The following LSAMP variants were observed in gnomAD, a reference collection of about 807,000 sequenced individuals.
The protein encoded by LSAMP is limbic system-associated membrane protein.
A neutral mutation model predicts 38.6 loss-of-function variants in LSAMP; 7 were observed. The ratio of observed to expected loss-of-function variants is 0.18; its 90% CI spans 0.10 to 0.34. The LOEUF (loss-of-function observed/expected upper bound fraction) is 0.34, where lower values mean the gene tolerates loss of function less well. Among genes scored for constraint, LSAMP ranks in the 10% least tolerant of loss-of-function variants. The pLI, the probability that LSAMP is intolerant of heterozygous loss-of-function variation, is 1.00. For synonymous variants in LSAMP, 154 were observed against 166.8 expected (o/e 0.92, Z 0.59); for missense variants, 313 against 420.0 (o/e 0.75, Z 2.23).
chr3:116,375,685 T>C (rs902411920), intron 1 of LSAMP, among the ~76,000 whole-genome samples: 1 of 151,950 alleles, frequency 6.6e-6, no homozygotes, highest in Non-Finnish European at 1.5e-5. Context: ...CTATAAGATA[T>C]TGTATTAACA....
At chr3:116,066,509 C>T (rs1451747615) in intron 2 of LSAMP, among the ~76,000 whole-genome samples, 1 of 152,152 alleles carries the variant, frequency 6.6e-6, no homozygotes, top group Non-Finnish European at 1.5e-5. Flanking sequence ...TTATTGTCTT[C>T]ATTTGTTGAA....
chr3:116,027,318 T>G (rs1484086170), intron 2 of LSAMP, among the ~76,000 whole-genome samples: 1 of 152,196 alleles, frequency 6.6e-6, no homozygotes, highest in East Asian at 1.9e-4. Flanking sequence ...AGTAACCACC[T>G]AAAAGGACTA....
At chr3:115,886,584 C>T (rs906089869) in intron 3 of LSAMP, among the ~76,000 whole-genome samples, 1 of 151,894 alleles carries the variant, frequency 6.6e-6, no homozygotes, top group African/African-American at 2.4e-5. Context: ...TATTTTATTC[C>T]TAGGTTTTCC....
At chr3:116,419,836 T>C (rs2049098685) in intron 1 of LSAMP, among the ~76,000 whole-genome samples, 1 of 152,164 alleles carries the variant, frequency 6.6e-6, no homozygotes, top group Admixed American at 6.5e-5. Context: ...TTTAAAAAAA[T>C]AGAGGAAAGT....
intron 2 of LSAMP, among the ~76,000 whole-genome samples, chr3:116,073,570 G>A (rs1039644203): frequency 6.6e-6 from 1 of 152,066 alleles, no homozygotes; most frequent in African/African-American, 2.4e-5. Context: ...CCATTTGTTT[G>A]TGTCCTCTCT....
intron 1 of LSAMP, among the ~76,000 whole-genome samples, chr3:116,147,837 T>C (rs1326744063): frequency 1.3e-5 from 2 of 151,950 alleles, no homozygotes; most frequent in Non-Finnish European, 2.9e-5. Flanking sequence ...GCTTCATCTT[T>C]TGCAATCTTG....
chr3:116,279,494 T>TTCTA lies in LSAMP; in HGVS notation c.155+165379_155+165382dup, dbSNP rs1048202928. 2.6e-5 allele frequency among the ~76,000 whole-genome samples: 4 copies of TTCTA among 152,202 alleles called. No homozygotes were observed. The South Asian group carries it at 6.2e-4, about 24-fold the overall frequency. ...CAGGTGTAGAAGAGTAGGGAGCCTA[T>TTCTA]TCTATCTACTCTCATGTGAAAGATT... On this transcript the variant is annotated intron_variant, in intron 1 of 6. Coordinates refer to ENST00000490035, the MANE Select transcript of LSAMP (RefSeq NM_002338.5).
rs373689277 is a variant in LSAMP, at chr3:116,124,702, C to A, written c.156-38146G>T. On this transcript the variant is annotated intron_variant, in intron 1 of 6. Coordinates refer to ENST00000490035, the MANE Select transcript of LSAMP (RefSeq NM_002338.5). The stretch of plus-strand genomic sequence containing the variant: ...TATTCTCCATTAAACTTTAAAACTG[C>A]AGAATATGTGGAATTAAGATCCAGT... Among the ~76,000 whole-genome samples the A allele has an allele frequency of 7.9e-5, 12 of 152,050 alleles. No individual in the cohort carries two copies. In the East Asian group the frequency reaches 2.1e-3, roughly 27 times the overall value.
At chr3:116,329,605 G>A (rs2047822499) in intron 1 of LSAMP, among the ~76,000 whole-genome samples, 1 of 152,044 alleles carries the variant, frequency 6.6e-6, no homozygotes, top group Non-Finnish European at 1.5e-5. Context: ...ATGAAGTATG[G>A]TCCAAATTTT....
At chr3:115,841,051 G>A (rs1253062020) in intron 6 of LSAMP, among the ~76,000 whole-genome samples, 1 of 152,138 alleles carries the variant, frequency 6.6e-6, no homozygotes, top group East Asian at 1.9e-4. Flanking sequence ...ATCTGCTTCT[G>A]TGCTCATAGT....
chr3:115,892,230 G>A (rs1936616860), intron 3 of LSAMP, among the ~76,000 whole-genome samples: 1 of 151,930 alleles, frequency 6.6e-6, no homozygotes, highest in South Asian at 2.1e-4. Context: ...TTAGAATCCA[G>A]TGATCCCACT....
At chr3:116,113,407 TA>T (rs1559747900) in intron 1 of LSAMP, among the ~76,000 whole-genome samples, 22 of 65,920 alleles carry the variant, frequency 3.3e-4, no homozygotes, top group African/African-American at 1.2e-3. Flanking sequence ...GCCCTATATA[TA>T]TATATATATA....
chr3:116,078,079 T>C (rs1707786024), intron 2 of LSAMP, among the ~76,000 whole-genome samples: 1 of 152,186 alleles, frequency 6.6e-6, no homozygotes, highest in Non-Finnish European at 1.5e-5. Context: ...GTCTTTTCTC[T>C]CTTCGTATTT....
intron 1 of LSAMP, among the ~76,000 whole-genome samples, chr3:116,142,427 T>C (rs1173449069): frequency 6.6e-6 from 1 of 151,988 alleles, no homozygotes; most frequent in Non-Finnish European, 1.5e-5. Context: ...TACTCCTAAC[T>C]AAGTGACCAT....
chr3:116,147,659 C>A (rs1013548352), intron 1 of LSAMP, among the ~76,000 whole-genome samples: 2 of 151,834 alleles, frequency 1.3e-5, no homozygotes, highest in Non-Finnish European at 2.9e-5. Flanking sequence ...AAAACTAGGG[C>A]TGAATTTTCC....
intron 3 of LSAMP, among the ~76,000 whole-genome samples, chr3:115,897,789 T>C (rs1349721655): frequency 2.0e-5 from 3 of 152,148 alleles, no homozygotes; most frequent in East Asian, 1.9e-4. Context: ...TGACTCACTT[T>C]CTGTTAGAAC....
At position 116,189,691 on chromosome 3, in the gene LSAMP, T is replaced by C. The variant is rs867531104; in HGVS notation, c.156-103135A>G. 9.2e-5 allele frequency among the ~76,000 whole-genome samples: 14 copies of C among 152,274 alleles called. 1 individual carries two copies. In the Middle Eastern group the frequency reaches 0.017, roughly 185 times the overall value. On this transcript the variant is annotated intron_variant, in intron 1 of 6. Transcript: ENST00000490035. ...TAAGTTTTTAAGTGGCCTATATCAT[T>C]ACAAAAGGAGTCATGATCCCCCTTT... is the stretch of plus-strand genomic sequence containing the variant.
intron 3 of LSAMP, among the ~76,000 whole-genome samples, chr3:115,929,713 A>G (rs1357820517): frequency 1.3e-5 from 2 of 152,154 alleles, no homozygotes; most frequent in African/African-American, 4.8e-5. Flanking sequence ...TATAAAGAAA[A>G]ACAATGTAAT....
Position 116,008,613 on chromosome 3 carries a change from A to G in LSAMP, c.514+10902T>C, listed in dbSNP as rs149954877. On this transcript the variant is annotated intron_variant, in intron 3 of 6. Transcript: ENST00000490035. ...CAGCATCTGATGTAGCAGGTACAGC[A>G]TTAGATGCTGTTCTTTCCAGTGATA... Among the ~76,000 whole-genome samples the G allele has an allele frequency of 4.3e-3, 662 of 152,284 alleles. 2 individuals carry two copies. Among genetic ancestry groups the G allele is most frequent in the African/African-American group, 0.015 (634 of 41,566 alleles).
Sources: gnomAD v4.1 joint callset for allele counts (sites outside exome capture counted in the v4.1 genomes callset) on GRCh38, gnomAD v4.1.1 for gene constraint, MANE v1.5 for transcripts, NCBI Gene and HGNC (gene_info 2026-07-23, HGNC 2026-07-21) for gene names.